Variants in CACNA2D4 observed in about 807,000 individuals in gnomAD.
The protein encoded by CACNA2D4 is calcium voltage-gated channel auxiliary subunit alpha2delta 4, also known as voltage-dependent calcium channel subunit alpha-2/delta-4.
In CACNA2D4, 157 loss-of-function variants were observed where a neutral mutation model predicts 163.8. That is an observed-to-expected ratio of 0.96 (90% CI 0.84 to 1.09). The LOEUF (loss-of-function observed/expected upper bound fraction) is 1.09, where lower values mean the gene tolerates loss of function less well. Among genes scored for constraint, CACNA2D4 ranks in the 50% least tolerant of loss-of-function variants. CACNA2D4 has a pLI of 0.00. For synonymous variants in CACNA2D4, 598 were observed against 586.9 expected, an observed-to-expected ratio of 1.02 and a Z score of -0.27; for missense variants, 1,410 against 1,479.9, an observed-to-expected ratio of 0.95 and a Z score of 0.78.
At chr12:1,895,855 C>A (rs1302207775) in intron 6 of CACNA2D4, among the ~76,000 whole-genome samples, 2 of 151,996 alleles carry the variant, frequency 1.3e-5, no homozygotes, top group South Asian at 4.2e-4. Context: ...CTCATGCTGG[C>A]CTCAAACTCA....
intron 20 of CACNA2D4, among the ~76,000 whole-genome samples, chr12:1,858,360 G>A (rs917367): frequency 0.71 from 108,201 of 151,986 alleles, 39,435 homozygotes; most frequent in Non-Finnish European, 0.79. Flanking sequence ...CTCAGGCTCT[G>A]CTGGTTTGAC....
chr12:1,912,052 T>A (rs1558141), intron 3 of CACNA2D4, among the ~76,000 whole-genome samples: 1 of 152,196 alleles, frequency 6.6e-6, no homozygotes, highest in African/African-American at 2.4e-5. Flanking sequence ...CCAGCAACCC[T>A]GACCCCGGCC....
intron 18 of CACNA2D4, among the ~76,000 whole-genome samples, chr12:1,862,765 T>C (rs1459047918): frequency 6.6e-6 from 1 of 152,242 alleles, no homozygotes; most frequent in Non-Finnish European, 1.5e-5. Context: ...TGAGCATCCT[T>C]GCACAGCTTC....
intron 6 of CACNA2D4, among the ~76,000 whole-genome samples, chr12:1,902,269 A>G (rs1453550496): frequency 6.6e-6 from 1 of 152,082 alleles, no homozygotes; most frequent in Non-Finnish European, 1.5e-5. Flanking sequence ...TTAGATGGGG[A>G]AAGACTGAAA....
chr12:1,792,087 GCTGCAGTTTCTATAA>G lies in CACNA2D4; in HGVS notation c.*1553_*1567del, dbSNP rs1862993990. On this transcript the variant is annotated 3_prime_UTR_variant, in exon 38 of 38. Transcript: ENST00000382722. Reference sequence around the variant, plus strand: ...TAATTTGGAGGCAATTTTCAACTCTGCTGCAGTTTCTATAACATGGGACTAATGATAGTACCCACT... The same window carrying G: ...TAATTTGGAGGCAATTTTCAACTCTGCATGGGACTAATGATAGTACCCACT... 6.6e-6 allele frequency: 1 copy of G among 152,194 alleles called. No individual in the cohort carries two copies. The allele number at this position is 152,194 out of a possible 1,614,324, so 9.4% of individuals were successfully genotyped here. A position where few individuals can be genotyped will look rare whatever the true frequency, so the allele number is the denominator to read the frequency against.
intron 18 of CACNA2D4, among the ~76,000 whole-genome samples, chr12:1,865,216 T>A (rs1399928935): frequency 6.6e-6 from 1 of 152,234 alleles, no homozygotes; most frequent in African/African-American, 2.4e-5. Context: ...AAGCTGCTGT[T>A]GGAAATCTAG....
chr12:1,827,893 GC>G, intron 26 of CACNA2D4: 1 of 396,714 alleles, frequency 2.5e-6, no homozygotes, highest in Non-Finnish European at 4.4e-6. Context: ...AGCCTGCCCC[GC>G]CCCCATCCCA....
rs1183291541 is a variant in CACNA2D4, at chr12:1,883,238, A to C, written c.1352-238T>G. ...TGGAAGATCTCTGAGGGGCTGTCCCACCCAGAGCTCCGGAAGGAGCAGCAG... is the reference window on the plus strand; with the variant it reads ...TGGAAGATCTCTGAGGGGCTGTCCCCCCCAGAGCTCCGGAAGGAGCAGCAG... On this transcript the variant is annotated intron_variant, in intron 12 of 37. Transcript: ENST00000382722. This position sits in a 1 kb window ranked among gnomAD's most constrained non-coding sequence, Gnocchi z 4.5. 1.3e-5 allele frequency among the ~76,000 whole-genome samples: 2 copies of C among 152,148 alleles called. No homozygotes were observed. The highest frequency in any genetic ancestry group is 2.9e-5 in the Non-Finnish European group (2 of 68,026).
chr12:1,884,210 A>T, intron 12 of CACNA2D4, 33 bp downstream of exon 12: 1 of 1,596,330 alleles, frequency 6.3e-7, no homozygotes, highest in Non-Finnish European at 8.6e-7. Context: ...GCTCAGGTGC[A>T]GGTGGGAAGG....
At chr12:1,914,228 C>T (rs1866904379) in intron 2 of CACNA2D4, among the ~76,000 whole-genome samples, 1 of 152,196 alleles carries the variant, frequency 6.6e-6, no homozygotes. Flanking sequence ...CAATGAAGCT[C>T]TTAGTGAGTG....
At chr12:1,838,767 G>C (rs1026558522) in intron 26 of CACNA2D4, among the ~76,000 whole-genome samples, 1 of 152,202 alleles carries the variant, frequency 6.6e-6, no homozygotes, top group Non-Finnish European at 1.5e-5. Context: ...TAGACCTTCA[G>C]GTGTACAGGA....
Position 1,884,784 on chromosome 12 carries a change from T to C in CACNA2D4, c.1256A>G (p.Asn419Ser), listed in dbSNP as rs200395562. 6 of 1,613,244 alleles carry C rather than the reference T, an allele frequency of 3.7e-6. No individual in the cohort carries two copies. In the African/African-American group the frequency reaches 8.0e-5, roughly 22 times the overall value. ...GAGGGTCACCTTACAGTCTGGCCAG[T>C]TATACTTCTCAAACACCGGCTCGTA... is the stretch of plus-strand genomic sequence containing the variant. ...EDYEPVFEKY[N>S]WPDCKVRVFT... Residue 419 changes from asparagine (N) to serine (S), a missense_variant, in exon 11 of 38, where the codon AAC becomes AGC. Asn to Ser is a conservative substitution (Grantham distance 46). Coordinates refer to ENST00000382722, the MANE Select transcript of CACNA2D4 (RefSeq NM_172364.5).
Position 1,799,547 on chromosome 12 carries a change from T to C in CACNA2D4, c.2995+128A>G. On this transcript the variant is annotated intron_variant, in intron 34 of 37. Transcript: ENST00000382722. This position sits in a 1 kb window ranked among gnomAD's most constrained non-coding sequence, Gnocchi z 4.7. ...TCCCCCAACCCCCAGGAATGGTACT[T>C]TAAACCAGGAGAGCTCAGCCCTGCT... The C allele has an allele frequency of 9.9e-7, 1 of 1,005,912 alleles. No individual in the cohort carries two copies. The highest frequency in any genetic ancestry group is 1.5e-6 in the Non-Finnish European group (1 of 666,528). The allele number at this position is 1,005,912 out of a possible 1,614,324, so 62.3% of individuals were successfully genotyped here. A position where few individuals can be genotyped will look rare whatever the true frequency, so the allele number is the denominator to read the frequency against.
intron 18 of CACNA2D4, among the ~76,000 whole-genome samples, chr12:1,864,460 A>T (rs1236851603): frequency 6.6e-6 from 1 of 152,250 alleles, no homozygotes; most frequent in Non-Finnish European, 1.5e-5. Flanking sequence ...TGCAAGATGA[A>T]CATCCCATTT....
rs542309504 is a variant in CACNA2D4, at chr12:1,801,329, C to T, written c.2793-211G>A. Among the ~76,000 whole-genome samples, 20 of 152,348 alleles carry T rather than the reference C, an allele frequency of 1.3e-4. No homozygotes were observed. The East Asian group carries it at 3.5e-3, about 26-fold the overall frequency. On this transcript the variant is annotated intron_variant, in intron 30 of 37. Transcript: ENST00000382722. Reference sequence around the variant, plus strand: ...ATGAAGAGCAAATGGCTTTTGCCCTCGGAGTTGGACGGTTTTCCCTCTAGG... The same window carrying T: ...ATGAAGAGCAAATGGCTTTTGCCCTTGGAGTTGGACGGTTTTCCCTCTAGG...
At chr12:1,811,788 A>G (rs1406664137) in intron 26 of CACNA2D4, 65 bp from the exon 27 acceptor site, 4 of 1,474,214 alleles carry the variant, frequency 2.7e-6, no homozygotes, top group Non-Finnish European at 2.8e-6. Context: ...AATAGAGTCA[A>G]GTTAAAGAGA....
chr12:1,796,129 G>A (rs972797550), intron 35 of CACNA2D4, among the ~76,000 whole-genome samples: 1 of 152,248 alleles, frequency 6.6e-6, no homozygotes, highest in South Asian at 2.1e-4. Context: ...GGCAACACTT[G>A]CTCTGGGTGA....
chr12:1,905,323 C>T (rs1310986562), intron 6 of CACNA2D4, among the ~76,000 whole-genome samples: 1 of 151,960 alleles, frequency 6.6e-6, no homozygotes, highest in Non-Finnish European at 1.5e-5. Flanking sequence ...CCACTTTTGC[C>T]CCTTCTACTC....
At chr12:1,800,093 T>A in intron 32 of CACNA2D4, 41 bp from the exon 33 acceptor site, 1 of 1,561,694 alleles carries the variant, frequency 6.4e-7, no homozygotes, top group Non-Finnish European at 8.7e-7. Context: ...CTCTGAGCCC[T>A]CCCGACTTGG....
Sources: allele counts gnomAD v4.1 joint callset (sites outside exome capture counted in the v4.1 genomes callset), GRCh38; gene constraint gnomAD v4.1.1; non-coding constraint Gnocchi (gnomAD v3.1); transcripts MANE v1.5; gene names NCBI Gene and HGNC (gene_info 2026-07-23, HGNC 2026-07-21).